Variants in ZBTB20 observed in about 807,000 individuals in gnomAD.
ZBTB20 encodes zinc finger and BTB domain-containing protein 20.
A neutral mutation model predicts 56.9 loss-of-function variants in ZBTB20; 9 were observed. The observed-to-expected ratio is 0.16, with a 90% CI of 0.10 to 0.28. The LOEUF (loss-of-function observed/expected upper bound fraction) is 0.28, where lower values mean the gene tolerates loss of function less well. Among genes scored for constraint, ZBTB20 ranks in the 10% least tolerant of loss-of-function variants. The pLI, the probability that ZBTB20 is intolerant of heterozygous loss-of-function variation, is 1.00. For missense variants in ZBTB20, 655 were observed against 1,003.0 expected (o/e 0.65, Z 4.69); for synonymous variants, 417 against 420.7 (o/e 0.99, Z 0.11).
chr3:114,827,326 T>C (rs1229756356), intron 4 of ZBTB20, among the ~76,000 whole-genome samples: 1 of 151,700 alleles, frequency 6.6e-6, no homozygotes, highest in African/African-American at 2.4e-5. Context: ...ATACAGTTTC[T>C]GTATATAGTG....
chr3:114,849,685 T>C (rs1208956494), intron 4 of ZBTB20, among the ~76,000 whole-genome samples: 1 of 152,200 alleles, frequency 6.6e-6, no homozygotes, highest in African/African-American at 2.4e-5. Context: ...TATCATGTTA[T>C]TATGGTTTTC....
At chr3:114,720,496 G>A (rs1578518057) in intron 5 of ZBTB20, among the ~76,000 whole-genome samples, 1 of 152,028 alleles carries the variant, frequency 6.6e-6, no homozygotes, top group Non-Finnish European at 1.5e-5. Context: ...TTAGTAGCCT[G>A]GTTATCCATA....
At chr3:114,623,665 G>A (rs1359990636) in intron 6 of ZBTB20, among the ~76,000 whole-genome samples, 1 of 152,104 alleles carries the variant, frequency 6.6e-6, no homozygotes, top group African/African-American at 2.4e-5. Context: ...TGCTTAGCTA[G>A]GCATGTAAGT....
At position 114,327,469 on chromosome 3, in the gene ZBTB20, AAT is replaced by A. The variant is rs1475628646; in HGVS notation, c.*11534_*11535del. ...AGAAAAAAAAAATACCAGGAGTTAG[AAT>A]GGACAAAGAAAAAGAAGGATATAGG... is the stretch of plus-strand genomic sequence containing the variant. On this transcript the variant is annotated 3_prime_UTR_variant, in exon 12 of 12. Transcript: ENST00000675478. 1 of 152,178 alleles carries A rather than the reference AAT, an allele frequency of 6.6e-6. No homozygotes were observed. Among genetic ancestry groups the A allele is most frequent in the African/African-American group, 2.4e-5 (1 of 41,450 alleles). 9.4% of individuals were successfully genotyped at this position (152,178 alleles called of 1,614,324 possible). A position where few individuals can be genotyped will look rare whatever the true frequency, so the allele number is the denominator to read the frequency against.
At position 114,317,071 on chromosome 3, in the gene ZBTB20, C is replaced by T. The variant is rs932339109; in HGVS notation, c.*21934G>A. ...ACTGACACCAAACTCCCCATGGCCC[C>T]TGCATGCTCAAACATCACCCATATG... On this transcript the variant is annotated 3_prime_UTR_variant, in exon 12 of 12. Transcript: ENST00000675478. 1 of 155,960 alleles carries T rather than the reference C, an allele frequency of 6.4e-6. No individual in the cohort carries two copies. The highest frequency in any genetic ancestry group is 2.4e-5 in the African/African-American group (1 of 41,434). 9.7% of individuals were successfully genotyped at this position (155,960 alleles called of 1,614,324 possible).
chr3:114,417,888 G>A (rs2088736523), intron 7 of ZBTB20, among the ~76,000 whole-genome samples: 1 of 152,062 alleles, frequency 6.6e-6, no homozygotes, highest in African/African-American at 2.4e-5. Flanking sequence ...ATGCAAACCA[G>A]AGTATTGCAC....
chr3:114,458,728 GTTT>G (rs78333698), intron 7 of ZBTB20, among the ~76,000 whole-genome samples: 1 of 146,100 alleles, frequency 6.8e-6, no homozygotes, highest in Non-Finnish European at 1.5e-5. Context: ...TACTTGACAG[GTTT>G]TTTTTTTTTA....
intron 6 of ZBTB20, among the ~76,000 whole-genome samples, chr3:114,685,710 T>C (rs909524612): frequency 6.6e-6 from 1 of 152,194 alleles, no homozygotes; most frequent in Non-Finnish European, 1.5e-5. Flanking sequence ...GTGTTTCCTT[T>C]ATTGAAACAC....
intron 6 of ZBTB20, among the ~76,000 whole-genome samples, chr3:114,618,418 G>C (rs2058087673): frequency 6.6e-6 from 1 of 151,084 alleles, no homozygotes; most frequent in East Asian, 1.9e-4. Context: ...CATCATGCCT[G>C]GCTACTTTTT....
At chr3:114,389,255 G>A (rs1464467500) in intron 7 of ZBTB20, 150 bp from the exon 8 acceptor site, 1 of 152,208 alleles carries the variant, frequency 6.6e-6, no homozygotes, top group East Asian at 1.9e-4. Flanking sequence ...GGCGAGGTAC[G>A]GAAGGGAGAA....
At chr3:115,120,390 A>G (rs2084150597) in intron 1 of ZBTB20, among the ~76,000 whole-genome samples, 1 of 152,124 alleles carries the variant, frequency 6.6e-6, no homozygotes, top group East Asian at 1.9e-4. Flanking sequence ...GATCTTGTAT[A>G]AAGTCTCAAC....
intron 7 of ZBTB20, among the ~76,000 whole-genome samples, chr3:114,494,249 A>C (rs929260489): frequency 1.3e-5 from 2 of 151,990 alleles, no homozygotes; most frequent in Non-Finnish European, 2.9e-5. Flanking sequence ...CATTATCTTC[A>C]TTTCTTGCCT....
intron 2 of ZBTB20, among the ~76,000 whole-genome samples, chr3:114,996,209 CT>C (rs900566323): frequency 6.6e-6 from 1 of 151,534 alleles, no homozygotes; most frequent in South Asian, 2.1e-4. Flanking sequence ...TTTTTCTTTT[CT>C]TTTTTTTATT....
chr3:114,423,061 C>G (rs906946458), intron 7 of ZBTB20, among the ~76,000 whole-genome samples: 2 of 152,080 alleles, frequency 1.3e-5, no homozygotes, highest in Admixed American at 1.3e-4. Context: ...AATCAAAGGG[C>G]AACATTTTAA....
At chr3:115,103,304 C>A (rs1334700362) in intron 1 of ZBTB20, among the ~76,000 whole-genome samples, 6 of 152,028 alleles carry the variant, frequency 3.9e-5, no homozygotes, top group Non-Finnish European at 8.8e-5. Context: ...CAATTCAATC[C>A]CAATCAAAAT....
chr3:114,845,793 T>C (rs1307686264), intron 4 of ZBTB20, among the ~76,000 whole-genome samples: 4 of 152,234 alleles, frequency 2.6e-5, no homozygotes, highest in Admixed American at 2.0e-4. Context: ...TTCTATTATA[T>C]ACAACAAATA....
At chr3:114,566,750 A>C (rs1401252750) in intron 6 of ZBTB20, among the ~76,000 whole-genome samples, 1 of 152,220 alleles carries the variant, frequency 6.6e-6, no homozygotes, top group Admixed American at 6.5e-5. Flanking sequence ...TCCTCTAAAT[A>C]CAGTTGACAG....
intron 7 of ZBTB20, among the ~76,000 whole-genome samples, chr3:114,444,389 T>C (rs1335380566): frequency 6.6e-6 from 1 of 152,184 alleles, no homozygotes; most frequent in African/African-American, 2.4e-5. Context: ...TTCCTCAGAA[T>C]GCCTTATCCT....
At chr3:114,977,652 A>G (rs1165268597) in intron 2 of ZBTB20, among the ~76,000 whole-genome samples, 1 of 152,186 alleles carries the variant, frequency 6.6e-6, no homozygotes, top group Non-Finnish European at 1.5e-5. Flanking sequence ...TCAGGTCAAT[A>G]AAACTCAATA....
Sources: gnomAD v4.1 joint callset for allele counts (sites outside exome capture counted in the v4.1 genomes callset) on GRCh38, gnomAD v4.1.1 for gene constraint, MANE v1.5 for transcripts, NCBI Gene and HGNC (gene_info 2026-07-23, HGNC 2026-07-21) for gene names.